Variants in SLC39A10 observed in about 807,000 individuals in gnomAD.
The protein encoded by SLC39A10 is zinc transporter ZIP10.
In SLC39A10, 13 loss-of-function variants were observed where a neutral mutation model predicts 65.1. That is an observed-to-expected ratio of 0.20 (90% confidence interval 0.13 to 0.32). The LOEUF (loss-of-function observed/expected upper bound fraction) is 0.32, where lower values mean the gene tolerates loss of function less well. Ranked by LOEUF, SLC39A10 falls within the 10% of genes least tolerant of loss-of-function variation. SLC39A10 has a pLI of 1.00. For synonymous variants in SLC39A10, 321 were observed against 342.2 expected (o/e 0.94, Z 0.68); for missense variants, 831 against 1,018.4 (o/e 0.82, Z 2.50).
Position 195,680,875 on chromosome 2 carries a change from C to A in SLC39A10, c.833C>A (p.Ser278Tyr), listed in dbSNP as rs1308373707. Residue 278 changes from serine (S) to tyrosine (Y), a missense_variant, in exon 2 of 10, where the codon TCT becomes TAT. This residue lies in a region of SLC39A10 where 446 missense variants were observed against 499.2 expected (regional missense o/e 0.89). Transcript: ENST00000359634. ...GATCGTGTACATAACCCAGGTCATT[C>A]TCATGTACATCTTCCAGAACGTAAT... ...KPDRVHNPGH[S>Y]HVHLPERNGH... The A allele has an allele frequency of 2.5e-6, 4 of 1,614,088 alleles. No homozygotes were observed. The South Asian group carries it at 4.4e-5, about 18-fold the overall frequency.
intron 2 of SLC39A10, among the ~76,000 whole-genome samples, chr2:195,621,520 A>G (rs1238324535): frequency 6.6e-6 from 1 of 152,222 alleles, no homozygotes; most frequent in Admixed American, 6.5e-5. Context: ...GAATTCAACT[A>G]TGCTGACTTA....
chr2:195,716,689 A>T lies in SLC39A10; in HGVS notation c.1749A>T (p.Thr583=), dbSNP rs772794870. 66 of 1,613,544 alleles carry T rather than the reference A, an allele frequency of 4.1e-5. No homozygotes were observed. Among genetic ancestry groups the T allele is most frequent in the Non-Finnish European group, 5.5e-5 (65 of 1,179,796 alleles). The change falls in exon 7 of 10, where the codon ACA becomes ACT. Residue 583 remains threonine (T), a synonymous_variant. Coordinates refer to ENST00000359634, the MANE Select transcript of SLC39A10 (RefSeq NM_020342.3). ...ATCGACTTAATGAAACTGAACTGAC[A>T]GATTTAGAAGGCCAACAAGAATCCC... ...SEDRLNETEL[T]DLEGQQESPP...
intron 2 of SLC39A10, among the ~76,000 whole-genome samples, chr2:195,613,887 C>T (rs992166859): frequency 1.3e-5 from 2 of 152,138 alleles, no homozygotes; most frequent in African/African-American, 4.8e-5. Flanking sequence ...AATTTTGTAA[C>T]TGTTGTCAAA....
chr2:195,671,029 G>A (rs1047295282), intron 1 of SLC39A10, among the ~76,000 whole-genome samples: 3 of 152,102 alleles, frequency 2.0e-5, no homozygotes, highest in African/African-American at 7.2e-5. Flanking sequence ...CAGCACCCAG[G>A]TAAGGAAATA....
At chr2:195,669,685 C>T (rs1689775227) in intron 1 of SLC39A10, among the ~76,000 whole-genome samples, 1 of 152,026 alleles carries the variant, frequency 6.6e-6, no homozygotes, top group African/African-American at 2.4e-5. Flanking sequence ...TTCAAAACTA[C>T]AATCCAAAGC....
chr2:195,634,874 C>T (rs1233351554), intron 2 of SLC39A10, among the ~76,000 whole-genome samples: 2 of 151,994 alleles, frequency 1.3e-5, no homozygotes, highest in East Asian at 1.9e-4. Flanking sequence ...ATGGTGCAAC[C>T]CTGTCTCTAT....
At chr2:195,677,986 G>A (rs989622946) in intron 1 of SLC39A10, among the ~76,000 whole-genome samples, 3 of 152,114 alleles carry the variant, frequency 2.0e-5, no homozygotes, top group Non-Finnish European at 4.4e-5. Flanking sequence ...GACCTCAGGT[G>A]ATCTGCCTGC....
chr2:195,703,333 ACT>A (rs1439599547), intron 3 of SLC39A10, among the ~76,000 whole-genome samples: 4 of 152,068 alleles, frequency 2.6e-5, no homozygotes, highest in Non-Finnish European at 2.9e-5. Flanking sequence ...ATAATTTTCA[ACT>A]CTGTCAATCA....
chr2:195,679,952 G>T, intron 1 of SLC39A10, 80 bp from the exon 2 acceptor site: 2 of 1,230,038 alleles, frequency 1.6e-6, no homozygotes, highest in Non-Finnish European at 2.2e-6. Context: ...TTAGTGGATT[G>T]GCAACTTCCA....
At chr2:195,727,249 G>A (rs1212238701) in intron 8 of SLC39A10, among the ~76,000 whole-genome samples, 2 of 152,136 alleles carry the variant, frequency 1.3e-5, no homozygotes, top group African/African-American at 4.8e-5. Context: ...AAGCATTTCA[G>A]TATTTTCCCT....
intron 5 of SLC39A10, among the ~76,000 whole-genome samples, chr2:195,712,652 TTG>T (rs1047293742): frequency 6.6e-6 from 1 of 152,074 alleles, no homozygotes; most frequent in Admixed American, 6.6e-5. Context: ...GTTGGAAGAG[TTG>T]TTAGTGGTAG....
intron 5 of SLC39A10, among the ~76,000 whole-genome samples, chr2:195,709,142 AGCCTCCCGAGTAGCT>A (rs1252357523): frequency 1.3e-5 from 2 of 152,086 alleles, no homozygotes; most frequent in Non-Finnish European, 2.9e-5. Context: ...CTTTTGCCCC[AGCCTCCCGAGTAGCT>A]GGGACCATAG....
chr2:195,723,569 A>C (rs1692127888), intron 8 of SLC39A10, among the ~76,000 whole-genome samples: 1 of 152,134 alleles, frequency 6.6e-6, no homozygotes, highest in African/African-American at 2.4e-5. Context: ...TCCTGCCGGA[A>C]TTCTGAGACT....
rs542100419 is a variant in SLC39A10 at position 195,638,959 on chromosome 2, T to TTG, written c.-12+32727_-12+32728insGT. 1.4e-3 allele frequency among the ~76,000 whole-genome samples: 209 copies of TTG among 151,396 alleles called. 1 individual carries two copies. Among genetic ancestry groups the TTG allele is most frequent in the African/African-American group, 4.5e-3 (186 of 41,296 alleles). ...TTTTTGATGACCTTGGCAGTTTTTT[T>TTG]TTTTGTTTTTGTTTTTGAGACAGGG... is the stretch of plus-strand genomic sequence containing the variant. On this transcript the variant is annotated intron_variant, in intron 2 of 2. Coordinates refer to the SLC39A10 transcript ENST00000458054.
At chr2:195,638,512 G>C (rs1389743555) in intron 2 of SLC39A10, among the ~76,000 whole-genome samples, 2 of 151,330 alleles carry the variant, frequency 1.3e-5, no homozygotes, top group African/African-American at 4.9e-5. Context: ...GCTAATTTTT[G>C]TATTTTTTTT....
At chr2:195,710,029 CTT>C (rs1171463757) in intron 5 of SLC39A10, among the ~76,000 whole-genome samples, 3 of 152,106 alleles carry the variant, frequency 2.0e-5, no homozygotes, top group East Asian at 3.9e-4. Flanking sequence ...AATGGTGACT[CTT>C]TTCAAGAATG....
At chr2:195,666,551 C>T (rs771310441) in intron 1 of SLC39A10, among the ~76,000 whole-genome samples, 4 of 152,168 alleles carry the variant, frequency 2.6e-5, no homozygotes, top group South Asian at 2.1e-4. Flanking sequence ...CTTGACCTCC[C>T]GGGCTCAAGT....
chr2:195,737,644 G>A lies in SLC39A10; in HGVS notation c.*2603G>A, dbSNP rs1031368870. On this transcript the variant is annotated 3_prime_UTR_variant, in exon 10 of 10. Coordinates refer to ENST00000359634, the MANE Select transcript of SLC39A10 (RefSeq NM_020342.3). Reference sequence around the variant, plus strand: ...TGTCAACAGTGGTGTGTCATTTTATGTATGTTCCTAATGCTTATGGAACTC... The same window carrying A: ...TGTCAACAGTGGTGTGTCATTTTATATATGTTCCTAATGCTTATGGAACTC... The A allele has an allele frequency of 1.2e-5, 3 of 243,612 alleles. No individual in the cohort carries two copies. The highest frequency in any genetic ancestry group is 1.6e-5 in the Non-Finnish European group (2 of 125,998). The allele number at this position is 243,612 out of a possible 1,614,324, so 15.1% of individuals were successfully genotyped here.
intron 1 of SLC39A10, among the ~76,000 whole-genome samples, chr2:195,661,167 C>T (rs894607260): frequency 2.6e-5 from 4 of 152,086 alleles, no homozygotes; most frequent in Non-Finnish European, 4.4e-5. Context: ...AAAGGATTTT[C>T]TGTAGTCAAT....
Sources: gnomAD v4.1 joint callset for allele counts (sites outside exome capture counted in the v4.1 genomes callset) on GRCh38, gnomAD v4.1.1 for gene constraint, gnomAD v4.1.1 regional missense constraint, MANE v1.5 for transcripts, NCBI Gene and HGNC (gene_info 2026-07-23, HGNC 2026-07-21) for gene names.